CDH9: variants seen among roughly 807,000 people sequenced by gnomAD.
CDH9 encodes the protein cadherin-9.
A neutral mutation model predicts 70.9 loss-of-function variants in CDH9; 28 were observed. The ratio of observed to expected loss-of-function variants is 0.40; its 90% CI spans 0.29 to 0.54. CDH9 has a LOEUF of 0.54. Ranked by LOEUF, CDH9 falls within the 20% of genes least tolerant of loss-of-function variation. CDH9 has a pLI of 0.59. For missense variants in CDH9, 874 were observed against 984.4 expected (o/e 0.89, Z 1.50); for synonymous variants, 409 against 343.1 (o/e 1.19, Z -2.12).
chr5:26,895,749 G>T (rs1280202295), intron 7 of CDH9, among the ~76,000 whole-genome samples: 8 of 151,992 alleles, frequency 5.3e-5, no homozygotes, highest in Non-Finnish European at 1.2e-4. Context: ...TTGATGAACA[G>T]ATTTAATCGT....
intron 2 of CDH9, among the ~76,000 whole-genome samples, chr5:26,980,312 T>C (rs2112083276): frequency 6.6e-6 from 1 of 152,054 alleles, no homozygotes; most frequent in Non-Finnish European, 1.5e-5. Flanking sequence ...TTTTTTATGC[T>C]TCTGTTTTTA....
intron 2 of CDH9, among the ~76,000 whole-genome samples, chr5:26,937,754 G>T (rs181495125): frequency 6.6e-6 from 1 of 152,162 alleles, no homozygotes; most frequent in East Asian, 1.9e-4. Flanking sequence ...CTAATTATAT[G>T]ACATCTGGGA....
At chr5:27,017,107 T>C (rs1444987398) in intron 1 of CDH9, among the ~76,000 whole-genome samples, 7 of 151,892 alleles carry the variant, frequency 4.6e-5, no homozygotes, top group African/African-American at 1.7e-4. Context: ...TTGTTGTTGC[T>C]GTTTGTCATA....
At chr5:26,928,321 T>C (rs1273692638) in intron 2 of CDH9, among the ~76,000 whole-genome samples, 1 of 151,942 alleles carries the variant, frequency 6.6e-6, no homozygotes, top group Non-Finnish European at 1.5e-5. Context: ...ATAAAATCTA[T>C]AAAACATTAA....
Position 26,881,066 on chromosome 5 carries a change from G to A in CDH9, c.*70C>T. The A allele has an allele frequency of 7.3e-7, 1 of 1,372,766 alleles. No homozygotes were observed. 85.0% of individuals were successfully genotyped at this position (1,372,766 alleles called of 1,614,324 possible). On this transcript the variant is annotated 3_prime_UTR_variant, in exon 12 of 12. Coordinates refer to ENST00000231021, the MANE Select transcript of CDH9 (RefSeq NM_016279.4). ...TTTGAAAGATTTCCTCCCAGGAAGAGAATGCAGGCCACTCAATCTAATAAC... is the reference window on the plus strand; with the variant it reads ...TTTGAAAGATTTCCTCCCAGGAAGAAAATGCAGGCCACTCAATCTAATAAC...
At chr5:26,890,657 G>C (rs1266911049) in intron 7 of CDH9, 93 bp from the exon 8 acceptor site, 4 of 856,324 alleles carry the variant, frequency 4.7e-6, no homozygotes, top group Non-Finnish European at 7.5e-6. Context: ...ACAATGATCT[G>C]ACAAAGACAT....
At chr5:26,998,152 G>A (rs192301830) in intron 1 of CDH9, among the ~76,000 whole-genome samples, 1 of 152,232 alleles carries the variant, frequency 6.6e-6, no homozygotes, top group African/African-American at 2.4e-5. Context: ...ACTTGCCTTT[G>A]AGCAATAGAA....
intron 2 of CDH9, among the ~76,000 whole-genome samples, chr5:26,940,058 CT>C (rs1416931734): frequency 5.3e-5 from 8 of 151,486 alleles, no homozygotes; most frequent in African/African-American, 1.9e-4. Context: ...AGTCAGGAGA[CT>C]GAGGCAGGAG....
At chr5:26,935,137 T>G (rs970878489) in intron 2 of CDH9, among the ~76,000 whole-genome samples, 1 of 152,068 alleles carries the variant, frequency 6.6e-6, no homozygotes, top group African/African-American at 2.4e-5. Context: ...AGTCATATGA[T>G]CATACAAATA....
At chr5:27,033,476 A>G (rs1029523934) in intron 1 of CDH9, among the ~76,000 whole-genome samples, 1 of 150,378 alleles carries the variant, frequency 6.6e-6, no homozygotes, top group African/African-American at 2.4e-5. Flanking sequence ...AGATAGACAG[A>G]CAGATAGACA....
Position 26,902,727 on chromosome 5 carries a change from A to G in CDH9, c.1002T>C (p.Asn334=). 6.5e-7 allele frequency: 1 copy of G among 1,532,302 alleles called. No individual in the cohort carries two copies. The highest frequency in any genetic ancestry group is 9.0e-7 in the Non-Finnish European group (1 of 1,108,680). The allele number at this position is 1,532,302 out of a possible 1,614,324, so 94.9% of individuals were successfully genotyped here. The change falls in exon 7 of 12, where the codon AAT becomes AAC. Residue 334 remains asparagine (N), a splice_region_variant and synonymous_variant. Coordinates refer to ENST00000231021, the MANE Select transcript of CDH9 (RefSeq NM_016279.4). ...TQEGIITVKQ[N]LDFENQMLYT... ...AGAGCATTTGATTTTCAAAATCTAA[A>G]TTCTGGAGTTAAATAACATAAAAGA...
At chr5:26,911,354 C>T in intron 3 of CDH9, among the ~76,000 whole-genome samples, 2 of 151,982 alleles carry the variant, frequency 1.3e-5, no homozygotes, top group African/African-American at 4.8e-5. Context: ...AACGGCCTAT[C>T]TCTCTGGTGT....
intron 2 of CDH9, among the ~76,000 whole-genome samples, chr5:26,933,383 G>A (rs917134500): frequency 6.6e-6 from 1 of 151,684 alleles, no homozygotes; most frequent in Non-Finnish European, 1.5e-5. Flanking sequence ...AAAAGGGAAA[G>A]AAGTCAATGA....
At chr5:26,992,187 G>GT (rs1742589080) in intron 1 of CDH9, among the ~76,000 whole-genome samples, 1 of 152,156 alleles carries the variant, frequency 6.6e-6, no homozygotes, top group Non-Finnish European at 1.5e-5. Flanking sequence ...AGCTCAGGTG[G>GT]TAATGCTCTC....
chr5:26,989,732 T>C (rs2112093522), intron 1 of CDH9, among the ~76,000 whole-genome samples: 1 of 152,214 alleles, frequency 6.6e-6, no homozygotes, highest in East Asian at 1.9e-4. Flanking sequence ...AACCCAATGT[T>C]GGACCAAGCA....
intron 3 of CDH9, among the ~76,000 whole-genome samples, chr5:26,912,511 TATATATACAG>T (rs1258785412): frequency 6.6e-6 from 1 of 150,698 alleles, no homozygotes; most frequent in Non-Finnish European, 1.5e-5. Context: ...TATAGTTTTA[TATATATACAG>T]ATATATATAG....
intron 11 of CDH9, among the ~76,000 whole-genome samples, chr5:26,884,136 G>A (rs1178206907): frequency 6.6e-6 from 1 of 152,030 alleles, no homozygotes; most frequent in African/African-American, 2.4e-5. Flanking sequence ...AGAAATTAGT[G>A]CTTTCCATAT....
At chr5:26,993,839 G>C (rs1049734348) in intron 1 of CDH9, among the ~76,000 whole-genome samples, 1 of 152,024 alleles carries the variant, frequency 6.6e-6, no homozygotes, top group African/African-American at 2.4e-5. Context: ...TTCTTCACAG[G>C]GCTTCAGGGT....
At chr5:26,979,563 T>C (rs1742364321) in intron 2 of CDH9, among the ~76,000 whole-genome samples, 1 of 151,870 alleles carries the variant, frequency 6.6e-6, no homozygotes. Context: ...TGAATGGGTT[T>C]AAGCCAATTA....
Sources: allele counts gnomAD v4.1 joint callset (sites outside exome capture counted in the v4.1 genomes callset), GRCh38; gene constraint gnomAD v4.1.1; transcripts MANE v1.5; gene names NCBI Gene and HGNC (gene_info 2026-07-23, HGNC 2026-07-21).